Variants in AXDND1 observed in about 807,000 individuals in gnomAD.
AXDND1 encodes the protein axonemal dynein light chain domain containing 1, also known as axonemal dynein light chain domain-containing protein 1.
A neutral mutation model predicts 137.5 loss-of-function variants in AXDND1; 110 were observed. That is an observed-to-expected ratio of 0.80 (90% CI 0.69 to 0.94). The LOEUF (loss-of-function observed/expected upper bound fraction) is 0.94, where lower values mean the gene tolerates loss of function less well. Among genes scored for constraint, AXDND1 ranks in the 40% least tolerant of loss-of-function variants. AXDND1 has a pLI of 0.00. For synonymous variants in AXDND1, 414 were observed against 399.7 expected (o/e 1.04, Z -0.43); for missense variants, 1,191 against 1,169.8 (o/e 1.02, Z -0.26).
At chr1:179,393,866 A>T (rs377540247) in intron 9 of AXDND1, 37 bp from the exon 10 acceptor site, 1 of 1,523,696 alleles carries the variant, frequency 6.6e-7, no homozygotes, top group South Asian at 1.3e-5. Flanking sequence ...AAATTCATTT[A>T]TCAGATCTAG....
chr1:179,461,959 G>T (rs970036469), intron 16 of AXDND1, among the ~76,000 whole-genome samples: 6 of 152,082 alleles, frequency 3.9e-5, no homozygotes, highest in African/African-American at 1.4e-4. Context: ...AGACAATGAG[G>T]TTTTCTAAAT....
rs776122123 is a variant in AXDND1 at position 179,533,849 on chromosome 1, G to A, written c.2770G>A (p.Val924Ile). 2 of 1,613,102 alleles carry A rather than the reference G, an allele frequency of 1.2e-6. No individual in the cohort carries two copies. Among genetic ancestry groups the A allele is most frequent in the Non-Finnish European group, 8.5e-7 (1 of 1,179,398 alleles). The change falls in exon 24 of 26, where the codon GTA becomes ATA. Residue 924 changes from valine (V) to isoleucine (I), a missense_variant. Transcript: ENST00000367618. ...CCAAAAATATCTTGAAGCAATGGCT[G>A]TAATTGAACATATGCAGGAGAAGTT... is the stretch of plus-strand genomic sequence containing the variant. ...LAQKYLEAMA[V>I]IEHMQEKLLE...
At chr1:179,420,026 A>C (rs75732980) in intron 12 of AXDND1, among the ~76,000 whole-genome samples, 6,982 of 152,294 alleles carry the variant, frequency 0.046, 224 homozygotes, top group Middle Eastern at 0.092. Flanking sequence ...TCTAGATCTT[A>C]GAGGAAAGGC....
At chr1:179,434,796 C>T (rs12069885) in intron 15 of AXDND1, among the ~76,000 whole-genome samples, 17,580 of 151,902 alleles carry the variant, frequency 0.12, 1,210 homozygotes, top group East Asian at 0.35. Flanking sequence ...GACAAGGGTA[C>T]CCTCTCACCT....
intron 12 of AXDND1, among the ~76,000 whole-genome samples, chr1:179,421,033 A>ATCCC (rs1295237520): frequency 1.5e-4 from 21 of 141,452 alleles, no homozygotes; most frequent in Middle Eastern, 3.6e-3. Context: ...CTATTTGGGT[A>ATCCC]TCCCTTCCTT....
chr1:179,443,000 G>A (rs1659222195), intron 15 of AXDND1, among the ~76,000 whole-genome samples: 1 of 152,144 alleles, frequency 6.6e-6, no homozygotes, highest in African/African-American at 2.4e-5. Flanking sequence ...AAAGGGGGGC[G>A]GTGATTGTCG....
At chr1:179,401,029 C>T (rs557241363) in intron 11 of AXDND1, among the ~76,000 whole-genome samples, 4 of 151,140 alleles carry the variant, frequency 2.6e-5, no homozygotes, top group South Asian at 2.1e-4. Context: ...GAGGTCAAAG[C>T]GGGTGGATCA....
chr1:179,547,387 T>C (rs1672750649), intron 25 of AXDND1, among the ~76,000 whole-genome samples: 1 of 152,200 alleles, frequency 6.6e-6, no homozygotes, highest in African/African-American at 2.4e-5. Flanking sequence ...CCATTCAGGA[T>C]TGCTAAGCAA....
intron 25 of AXDND1, among the ~76,000 whole-genome samples, chr1:179,535,793 C>T (rs924799413): frequency 7.9e-5 from 12 of 152,270 alleles, no homozygotes; most frequent in East Asian, 3.9e-4. Flanking sequence ...CTTGAGGAAT[C>T]GCCACACTGT....
chr1:179,383,532 A>G lies in AXDND1; in HGVS notation c.729A>G (p.Thr243=). ...CTGGTGTGGAAAATCAGGAATATAC[A>G]GGACCAACGAAGGTAATTGCAAAGC... is the stretch of plus-strand genomic sequence containing the variant. ...ERAGVENQEY[T]GPTKMHKLLH... Residue 243 remains threonine (T), a synonymous_variant, in exon 8 of 26, where the codon ACA becomes ACG. Transcript: ENST00000367618. The G allele has an allele frequency of 1.2e-6, 2 of 1,612,862 alleles. No homozygotes were observed. The highest frequency in any genetic ancestry group is 1.7e-6 in the Non-Finnish European group (2 of 1,178,986).
At chr1:179,477,176 A>G (rs1321893635) in intron 17 of AXDND1, among the ~76,000 whole-genome samples, 1 of 151,288 alleles carries the variant, frequency 6.6e-6, no homozygotes, top group Non-Finnish European at 1.5e-5. Context: ...TCACTCTAAA[A>G]TTTTCATTTA....
intron 20 of AXDND1, among the ~76,000 whole-genome samples, chr1:179,503,501 T>G (rs1325286902): frequency 6.6e-6 from 1 of 152,012 alleles, no homozygotes; most frequent in Non-Finnish European, 1.5e-5. Flanking sequence ...AAATTTTGCC[T>G]GGATTCCTCA....
At chr1:179,456,766 T>C (rs1661466418) in intron 16 of AXDND1, 2 of 783,128 alleles carry the variant, frequency 2.6e-6, no homozygotes, top group Non-Finnish European at 4.6e-6. Flanking sequence ...CCTCTTTGGC[T>C]GGATGAAGCC....
chr1:179,406,113 C>A (rs143480289), intron 11 of AXDND1, among the ~76,000 whole-genome samples: 21 of 152,138 alleles, frequency 1.4e-4, no homozygotes, highest in Admixed American at 1.2e-3. Context: ...ATTTACTGAC[C>A]CAGTGATCAT....
chr1:179,471,391 A>G (rs1198443891), intron 17 of AXDND1, among the ~76,000 whole-genome samples: 1 of 152,182 alleles, frequency 6.6e-6, no homozygotes, highest in East Asian at 1.9e-4. Context: ...TTCACTTGTT[A>G]AAAGTCTATT....
At chr1:179,379,976 G>A (rs977262248) in intron 6 of AXDND1, among the ~76,000 whole-genome samples, 32 of 151,896 alleles carry the variant, frequency 2.1e-4, no homozygotes, top group Middle Eastern at 3.2e-3. Context: ...TTGGCAGGGC[G>A]CGGTGGCTCA....
At chr1:179,508,193 A>G (rs1043816586) in intron 20 of AXDND1, among the ~76,000 whole-genome samples, 6 of 152,084 alleles carry the variant, frequency 3.9e-5, no homozygotes, top group African/African-American at 1.4e-4. Context: ...AAAATTAGCC[A>G]GGTATGGTGG....
At chr1:179,453,536 C>G (rs1269442538) in intron 16 of AXDND1, 1 of 152,340 alleles carries the variant, frequency 6.6e-6, no homozygotes. Flanking sequence ...CACAGTGGCT[C>G]ATGCCTGTAA....
chr1:179,434,794 T>G (rs1289449309), intron 15 of AXDND1, among the ~76,000 whole-genome samples: 1 of 150,978 alleles, frequency 6.6e-6, no homozygotes, highest in African/African-American at 2.4e-5. Flanking sequence ...AAGACAAGGG[T>G]ACCCTCTCAC....
Sources: gnomAD v4.1 joint callset for allele counts (sites outside exome capture counted in the v4.1 genomes callset) on GRCh38, gnomAD v4.1.1 for gene constraint, MANE v1.5 for transcripts, NCBI Gene and HGNC (gene_info 2026-07-23, HGNC 2026-07-21) for gene names.